Variants in NIM1K observed in about 807,000 individuals in gnomAD.
NIM1K encodes the protein NIM1 serine/threonine protein kinase.
Under a neutral mutation model 37.1 loss-of-function variants are expected in NIM1K, and 35 were observed. That is an observed-to-expected ratio of 0.94 (90% CI 0.72 to 1.25). The LOEUF (loss-of-function observed/expected upper bound fraction) is 1.25, where lower values mean the gene tolerates loss of function less well. Among genes scored for constraint, NIM1K ranks in the 50% most tolerant of loss-of-function variants. NIM1K has a pLI of 0.00. For missense variants in NIM1K, 564 were observed against 548.0 expected (o/e 1.03, Z -0.29); for synonymous variants, 234 against 206.6 (o/e 1.13, Z -1.14).
rs772061783 is a variant in NIM1K at position 43,245,740 on chromosome 5, T to G, written c.-36T>G. 3 of 1,541,260 alleles carry G rather than the reference T, an allele frequency of 1.9e-6. No homozygotes were observed. The African/African-American group carries it at 4.1e-5, about 21-fold the overall frequency. On this transcript the variant is annotated 5_prime_UTR_variant, in exon 2 of 4. Coordinates refer to ENST00000326035, the MANE Select transcript of NIM1K (RefSeq NM_153361.4). ...CTCTTCTGCTCCTGCACAACCTGCC[T>G]CTTCGCTGAGATGGAGACGTGAGCC...
chr5:43,266,966 A>G, intron 2 of NIM1K, among the ~76,000 whole-genome samples: 1 of 152,120 alleles, frequency 6.6e-6, no homozygotes, highest in Non-Finnish European at 1.5e-5. Flanking sequence ...GGCTTCATAG[A>G]ATGAGTTTGG....
intron 3 of NIM1K, among the ~76,000 whole-genome samples, chr5:43,279,061 G>A (rs1400646021): frequency 6.6e-6 from 1 of 152,206 alleles, no homozygotes; most frequent in East Asian, 1.9e-4. Flanking sequence ...AGGTACAGAT[G>A]TTAGTCTTCA....
intron 1 of NIM1K, among the ~76,000 whole-genome samples, chr5:43,198,179 C>CT (rs756251532): frequency 1.5e-5 from 1 of 67,048 alleles, no homozygotes; most frequent in African/African-American, 4.9e-5. Flanking sequence ...TTCTTTCTTT[C>CT]TTTCTTTCTT....
At chr5:43,276,843 G>A (rs1753348722) in intron 2 of NIM1K, among the ~76,000 whole-genome samples, 1 of 152,142 alleles carries the variant, frequency 6.6e-6, no homozygotes, top group African/African-American at 2.4e-5. Flanking sequence ...GGCAGGACTT[G>A]GCATCAAAAC....
At chr5:43,269,181 G>GA (rs921212513) in intron 2 of NIM1K, among the ~76,000 whole-genome samples, 39 of 150,040 alleles carry the variant, frequency 2.6e-4, no homozygotes, top group Middle Eastern at 3.4e-3. Flanking sequence ...CATGGTGGGG[G>GA]CACCTGTAAT....
At chr5:43,276,995 C>T (rs1753351375) in intron 2 of NIM1K, 62 bp from the exon 3 acceptor site, 1 of 1,531,542 alleles carries the variant, frequency 6.5e-7, no homozygotes, top group African/African-American at 1.4e-5. Flanking sequence ...GATCCAGGTC[C>T]TCTCCAGTTC....
chr5:43,256,667 G>A (rs1296530030), intron 2 of NIM1K, among the ~76,000 whole-genome samples: 2 of 152,134 alleles, frequency 1.3e-5, no homozygotes, highest in African/African-American at 4.8e-5. Flanking sequence ...GCTTTCTCTA[G>A]CCATTGGAGC....
At chr5:43,250,009 C>T (rs900754846) in intron 2 of NIM1K, among the ~76,000 whole-genome samples, 5 of 151,846 alleles carry the variant, frequency 3.3e-5, no homozygotes, top group African/African-American at 4.8e-5. Context: ...CCCACCACCA[C>T]GCCTGGCTAA....
chr5:43,217,459 CAAAAAAA>C (rs35739990), intron 1 of NIM1K, among the ~76,000 whole-genome samples: 111 of 93,724 alleles, frequency 1.2e-3, no homozygotes, highest in Non-Finnish European at 2.0e-3. Context: ...TGTGGACATG[CAAAAAAA>C]AAAAAAAAAA....
chr5:43,232,543 T>C, intron 1 of NIM1K: 1 of 1,579,518 alleles, frequency 6.3e-7, no homozygotes, highest in Non-Finnish European at 8.7e-7. Context: ...CCAGATATCA[T>C]AAGTGGCCTC....
chr5:43,237,270 T>C (rs138035922), intron 1 of NIM1K, among the ~76,000 whole-genome samples: 7 of 152,382 alleles, frequency 4.6e-5, no homozygotes, highest in African/African-American at 1.4e-4. Flanking sequence ...CACAGTGGGT[T>C]ATAAGTCAAG....
chr5:43,232,985 T>A, intron 1 of NIM1K: 1 of 1,152,970 alleles, frequency 8.7e-7, no homozygotes, highest in East Asian at 2.3e-5. Context: ...AACACTGCCC[T>A]GGGCACATGC....
chr5:43,197,478 C>G (rs1455963852), intron 1 of NIM1K, among the ~76,000 whole-genome samples: 1 of 152,174 alleles, frequency 6.6e-6, no homozygotes, highest in Non-Finnish European at 1.5e-5. Context: ...TAAAATACAC[C>G]TTAGTCATTT....
At chr5:43,249,850 G>GTTTT (rs70994677) in intron 2 of NIM1K, among the ~76,000 whole-genome samples, 25 of 116,160 alleles carry the variant, frequency 2.2e-4, no homozygotes, top group African/African-American at 2.3e-4. Context: ...GTATGGATTA[G>GTTTT]TTTTTTTTTT....
At chr5:43,210,970 A>T (rs1347257838) in intron 1 of NIM1K, among the ~76,000 whole-genome samples, 1 of 152,194 alleles carries the variant, frequency 6.6e-6, no homozygotes, top group Non-Finnish European at 1.5e-5. Flanking sequence ...CGGGAGTTGG[A>T]GACCAGCCTG....
At chr5:43,236,957 A>G (rs1300995560) in intron 1 of NIM1K, among the ~76,000 whole-genome samples, 1 of 152,234 alleles carries the variant, frequency 6.6e-6, no homozygotes, top group Non-Finnish European at 1.5e-5. Flanking sequence ...GCTGAGAAAT[A>G]AAGAGCTGAG....
chr5:43,192,589 T>C (rs1297035321), intron 1 of NIM1K, among the ~76,000 whole-genome samples, 178 bp downstream of exon 1: 1 of 152,190 alleles, frequency 6.6e-6, no homozygotes, highest in African/African-American at 2.4e-5. Context: ...TTAGGCGCTT[T>C]CTGGGGCGTA....
At chr5:43,278,598 G>A (rs1239243845) in intron 3 of NIM1K, among the ~76,000 whole-genome samples, 1 of 152,198 alleles carries the variant, frequency 6.6e-6, no homozygotes, top group African/African-American at 2.4e-5. Flanking sequence ...CTTGGCTAGG[G>A]TCTATATTAG....
chr5:43,247,602 T>G (rs1752802199), intron 2 of NIM1K, among the ~76,000 whole-genome samples: 1 of 152,214 alleles, frequency 6.6e-6, no homozygotes, highest in Non-Finnish European at 1.5e-5. Flanking sequence ...CCTTCAGAGC[T>G]TCTGATGTGA....
Sources: allele counts gnomAD v4.1 joint callset (sites outside exome capture counted in the v4.1 genomes callset), GRCh38; gene constraint gnomAD v4.1.1; transcripts MANE v1.5; gene names NCBI Gene and HGNC (gene_info 2026-07-23, HGNC 2026-07-21).